CXXC5: variants seen among roughly 807,000 people sequenced by gnomAD.
CXXC5 encodes CXXC finger protein 5, also known as CXXC-type zinc finger protein 5.
CXXC5 carries 2 observed loss-of-function variants against 17.6 expected under a neutral mutation model. The observed-to-expected ratio is 0.11, with a 90% CI of 0.05 to 0.36. The LOEUF (loss-of-function observed/expected upper bound fraction) is 0.36. Ranked by LOEUF, CXXC5 falls within the 10% of genes least tolerant of loss-of-function variation. The pLI is 1.00. For synonymous variants in CXXC5, 171 were observed against 193.0 expected (o/e 0.89, Z 0.94); for missense variants, 343 against 458.3 (o/e 0.75, Z 2.30).
chr5:139,676,103 C>A (rs1247546546), intron 1 of CXXC5, among the ~76,000 whole-genome samples: 1 of 151,324 alleles, frequency 6.6e-6, no homozygotes, highest in Non-Finnish European at 1.5e-5. Context: ...CCATTACCCC[C>A]CACCTCCTCC....
At chr5:139,677,036 C>T (rs112835341) in intron 1 of CXXC5, among the ~76,000 whole-genome samples, 4 of 151,758 alleles carry the variant, frequency 2.6e-5, no homozygotes, top group Non-Finnish European at 4.4e-5. Context: ...CAGCTCCCGG[C>T]TGGCCGGCTC....
In CXXC5 at chr5:139,680,528, C is replaced by T. The variant is rs571106750; in HGVS notation, c.5C>T (p.Ser2Leu). The T allele has an allele frequency of 2.0e-5, 31 of 1,555,424 alleles. 1 individual carries two copies. Among genetic ancestry groups the T allele is most frequent in the South Asian group, 1.1e-4 (9 of 85,164 alleles). The change falls in exon 2 of 3, where the codon TCG (serine) becomes TTG (leucine). Residue 2 changes from serine (S) to leucine (L), a missense_variant. Physicochemically the swap from Ser to Leu is moderately radical, Grantham distance 145 (BLOSUM62 -2). Transcript: ENST00000302517. M[S>L]SLGGGSQDAG... is the part of the protein sequence containing the mutation. ...GGTCTGGGCCTCGGCCCCACCATGT[C>T]GAGCCTCGGCGGTGGCTCCCAGGAT...
chr5:139,665,173 G>A (rs1288783314), intron 1 of CXXC5, among the ~76,000 whole-genome samples: 2 of 152,258 alleles, frequency 1.3e-5, no homozygotes, highest in Admixed American at 6.5e-5. Context: ...CCAGCTCCTC[G>A]CCTGACGCTG....
In CXXC5 at chr5:139,658,058, G is replaced by A. The variant is rs1009109813; in HGVS notation, c.-161+9213G>A. Among the ~76,000 whole-genome samples the A allele has an allele frequency of 1.4e-4, 22 of 152,162 alleles. No individual in the cohort carries two copies. The highest frequency in any genetic ancestry group is 1.8e-4 in the Non-Finnish European group (12 of 68,016). On this transcript the variant is annotated intron_variant, in intron 1 of 2. Transcript: ENST00000302517. This position sits in a 1 kb window ranked among gnomAD's most constrained non-coding sequence, Gnocchi z 4.1. ...GCTTCTCTCCAGGCCAGGGGCTCCC[G>A]ACAGCTTCATGCCAGTTCCTGTTGA...
At chr5:139,651,565 G>GT (rs1456361552) in intron 1 of CXXC5, among the ~76,000 whole-genome samples, 4 of 152,244 alleles carry the variant, frequency 2.6e-5, no homozygotes, top group Non-Finnish European at 5.9e-5. Flanking sequence ...CCATAGGAGT[G>GT]TGGGGGCAGG....
In CXXC5 at chr5:139,680,492, C is replaced by T. The variant is rs3756677; in HGVS notation, c.-32C>T. 0.041 allele frequency: 63,120 copies of T among 1,532,306 alleles called. 1,714 individuals are homozygous for T. The highest frequency in any genetic ancestry group is 0.11 in the South Asian group (9,146 of 81,768). 94.9% of individuals were successfully genotyped at this position (1,532,306 alleles called of 1,614,324 possible). ...GGACCCTCGGCAGTTGGCAGGCTCC[C>T]TCTGCAGTGGGGTCTGGGCCTCGGC... On this transcript the variant is annotated 5_prime_UTR_variant, in exon 2 of 3. Coordinates refer to ENST00000302517, the MANE Select transcript of CXXC5 (RefSeq NM_016463.9).
Position 139,659,376 on chromosome 5 carries a change from G to T in CXXC5, c.-161+10531G>T, listed in dbSNP as rs1755657174. 5.9e-5 allele frequency among the ~76,000 whole-genome samples: 9 copies of T among 152,176 alleles called. No individual in the cohort carries two copies. The South Asian group carries it at 1.9e-3, about 31-fold the overall frequency. On this transcript the variant is annotated intron_variant, in intron 1 of 2. Transcript: ENST00000302517. ...AGGGAGACAGGCTAGCAGGAAGGAG[G>T]GCAATGGGGGCAAATAAGGCCCCCA... is the stretch of plus-strand genomic sequence containing the variant.
At chr5:139,681,616 CA>C in intron 2 of CXXC5, 169 bp downstream of exon 2, 1 of 750,052 alleles carries the variant, frequency 1.3e-6, no homozygotes, top group Non-Finnish European at 2.1e-6. Context: ...TTTACTGCCC[CA>C]AAAGTCAGAG....
rs780946656 is a variant in CXXC5 at position 139,680,780 on chromosome 5, G to T, written c.257G>T (p.Gly86Val). ...SRPLSHYSSF[G>V]SSGGSGGGSM... is the part of the protein sequence containing the mutation. ...CCGCTCTCCCACTACTCTTCTTTTG[G>T]CAGCAGTGGTGGTAGTGGCGGTGGC... Residue 86 changes from glycine to valine, a missense_variant, in exon 2 of 3, where the codon GGC becomes GTC. Coordinates refer to ENST00000302517, the MANE Select transcript of CXXC5 (RefSeq NM_016463.9). 4.3e-6 allele frequency: 7 copies of T among 1,613,458 alleles called. No individual in the cohort carries two copies. The highest frequency in any genetic ancestry group is 5.9e-6 in the Non-Finnish European group (7 of 1,180,022).
At chr5:139,666,143 T>G (rs1469183777) in intron 1 of CXXC5, among the ~76,000 whole-genome samples, 1 of 152,210 alleles carries the variant, frequency 6.6e-6, no homozygotes, top group African/African-American at 2.4e-5. Flanking sequence ...CTCAGCAGTG[T>G]CCTCCAGCAG....
At chr5:139,681,683 G>A (rs79651111) in intron 2 of CXXC5, among the ~76,000 whole-genome samples, 1 of 152,314 alleles carries the variant, frequency 6.6e-6, no homozygotes, top group East Asian at 1.9e-4. Context: ...TAAAACTCCA[G>A]GCAAGGACCT....
intron 1 of CXXC5, among the ~76,000 whole-genome samples, chr5:139,666,359 A>C (rs970294536): frequency 6.6e-6 from 1 of 151,450 alleles, no homozygotes; most frequent in Non-Finnish European, 1.5e-5. Flanking sequence ...TTCCCCTACT[A>C]CCCCATCCAA....
chr5:139,663,170 A>T lies in CXXC5; in HGVS notation c.-161+14325A>T, dbSNP rs1276191868. ...GGTTGGACCCAGGGCAAAGGAACCC[A>T]TGGGTGTTGGGTGGAAAATCCTGGA... On this transcript the variant is annotated intron_variant, in intron 1 of 2. Transcript: ENST00000302517. The surrounding 1 kb of genome is among the most constrained non-coding windows in gnomAD (Gnocchi z 4.2). Among the ~76,000 whole-genome samples, 2 of 152,134 alleles carry T rather than the reference A, an allele frequency of 1.3e-5. No homozygotes were observed. The highest frequency in any genetic ancestry group is 1.3e-4 in the Admixed American group (2 of 15,268).
At chr5:139,662,822 G>C (rs909374233) in intron 1 of CXXC5, among the ~76,000 whole-genome samples, 4 of 152,216 alleles carry the variant, frequency 2.6e-5, no homozygotes, top group Admixed American at 2.0e-4. Context: ...GGGCCAGTCT[G>C]CTCACCTCTC....
intron 1 of CXXC5, among the ~76,000 whole-genome samples, chr5:139,674,123 G>A (rs888862406): frequency 5.3e-5 from 8 of 152,190 alleles, no homozygotes; most frequent in Non-Finnish European, 8.8e-5. Flanking sequence ...TCCATCCATA[G>A]CTGGATGTGT....
At chr5:139,653,553 A>T (rs1388023347) in intron 1 of CXXC5, among the ~76,000 whole-genome samples, 1 of 152,080 alleles carries the variant, frequency 6.6e-6, no homozygotes, top group African/African-American at 2.4e-5. Context: ...TTCCCAGGAA[A>T]ACTTCTTGCT....
chr5:139,674,149 C>T (rs1040233526), intron 1 of CXXC5, among the ~76,000 whole-genome samples: 13 of 152,134 alleles, frequency 8.5e-5, no homozygotes, highest in Admixed American at 8.5e-4. Flanking sequence ...GTGCTCTCCG[C>T]CTGGGGCTGC....
intron 2 of CXXC5, 133 bp downstream of exon 2, chr5:139,681,580 C>CT (rs1451881234): frequency 8.9e-7 from 1 of 1,126,658 alleles, no homozygotes; most frequent in Non-Finnish European, 1.2e-6. Context: ...TCCTTGGGGC[C>CT]TGGGGGTCTG....
At chr5:139,652,175 T>C (rs1030168036) in intron 1 of CXXC5, among the ~76,000 whole-genome samples, 37 of 148,056 alleles carry the variant, frequency 2.5e-4, no homozygotes, top group Non-Finnish European at 3.7e-4. Context: ...CGCGCGCGTG[T>C]GTGTGTGTGT....
Sources: allele counts gnomAD v4.1 joint callset (sites outside exome capture counted in the v4.1 genomes callset), GRCh38; gene constraint gnomAD v4.1.1; non-coding constraint Gnocchi (gnomAD v3.1); transcripts MANE v1.5; gene names NCBI Gene and HGNC (gene_info 2026-07-23, HGNC 2026-07-21).